SH3GL3: variants seen among roughly 807,000 people sequenced by gnomAD.
The protein encoded by SH3GL3 is SH3 domain containing GRB2 like 3, endophilin A3.
Under a neutral mutation model 47.7 loss-of-function variants are expected in SH3GL3, and 33 were observed. The observed-to-expected ratio is 0.69, with a 90% CI of 0.52 to 0.92. The LOEUF is 0.92. SH3GL3 is among the 40% of genes least tolerant of loss of function. The pLI is 0.00. For missense variants in SH3GL3, 363 were observed against 417.8 expected, an observed-to-expected ratio of 0.87 and a Z score of 1.14; for synonymous variants, 155 against 148.8, an observed-to-expected ratio of 1.04 and a Z score of -0.30.
chr15:83,552,509 T>C (rs1219312491), intron 1 of SH3GL3, among the ~76,000 whole-genome samples: 1 of 152,218 alleles, frequency 6.6e-6, no homozygotes, highest in Non-Finnish European at 1.5e-5. Context: ...CTAATAAACA[T>C]GCTCTATATG....
intron 1 of SH3GL3, among the ~76,000 whole-genome samples, chr15:83,550,123 T>C (rs1596237492): frequency 6.6e-6 from 1 of 152,204 alleles, no homozygotes; most frequent in Admixed American, 6.5e-5. Flanking sequence ...ACTTACATAT[T>C]ACCTTTACTA....
chr15:83,462,937 C>G (rs1282237276), intron 1 of SH3GL3, among the ~76,000 whole-genome samples: 1 of 152,138 alleles, frequency 6.6e-6, no homozygotes, highest in Non-Finnish European at 1.5e-5. Context: ...CATCCTAGCA[C>G]CCAGGGATAT....
intron 1 of SH3GL3, among the ~76,000 whole-genome samples, chr15:83,477,074 A>G (rs1430051069): frequency 6.6e-6 from 1 of 152,232 alleles, no homozygotes; most frequent in Non-Finnish European, 1.5e-5. Context: ...TTACTTGGCC[A>G]TCACACACCA....
chr15:83,453,645 G>A (rs1177584523), intron 1 of SH3GL3, among the ~76,000 whole-genome samples: 1 of 145,396 alleles, frequency 6.9e-6, no homozygotes, highest in Non-Finnish European at 1.5e-5. Flanking sequence ...TGTGGGATCG[G>A]TGGTGATATC....
At chr15:83,458,109 G>C (rs1462193907) in intron 1 of SH3GL3, among the ~76,000 whole-genome samples, 2 of 152,194 alleles carry the variant, frequency 1.3e-5, no homozygotes, top group Non-Finnish European at 2.9e-5. Flanking sequence ...GTAAACAACT[G>C]ACACACTGTT....
At chr15:83,572,323 C>T (rs954997139) in intron 4 of SH3GL3, among the ~76,000 whole-genome samples, 1 of 152,168 alleles carries the variant, frequency 6.6e-6, no homozygotes, top group Admixed American at 6.5e-5. Context: ...GTAAGTACTT[C>T]GGTCTGCTAG....
chr15:83,633,377 A>T, the SH3GL3 span, among the ~76,000 whole-genome samples: 8 of 151,878 alleles, frequency 5.3e-5, no homozygotes, highest in Non-Finnish European at 8.8e-5. Context: ...TTCCTACTTA[A>T]CTCTTTATAA....
chr15:83,583,446 T>C (rs1464605386), intron 6 of SH3GL3, among the ~76,000 whole-genome samples: 1 of 152,190 alleles, frequency 6.6e-6, no homozygotes, highest in Non-Finnish European at 1.5e-5. Flanking sequence ...GAGCCATTCT[T>C]CCTTTGGGTA....
intron 1 of SH3GL3, among the ~76,000 whole-genome samples, chr15:83,501,963 AATAACCC>A (rs1285566518): frequency 2.0e-5 from 3 of 152,344 alleles, no homozygotes; most frequent in Non-Finnish European, 4.4e-5. Context: ...AAGGGAACCT[AATAACCC>A]ATTAGAAAAA....
At chr15:83,482,666 T>C (rs1266896285) in intron 1 of SH3GL3, among the ~76,000 whole-genome samples, 9 of 152,064 alleles carry the variant, frequency 5.9e-5, no homozygotes, top group Admixed American at 5.9e-4. Context: ...GCTAACTTTT[T>C]GTATTTTTAG....
In SH3GL3 at chr15:83,616,251, C is replaced by CTTTTT. The variant is rs10661412; in HGVS notation, c.839-1816_839-1812dup. Among the ~76,000 whole-genome samples, 20 of 114,160 alleles carry CTTTTT rather than the reference C, an allele frequency of 1.8e-4. 1 individual carries two copies. The highest frequency in any genetic ancestry group is 4.8e-4 in the African/African-American group (14 of 29,062). The allele number at this position is 114,160 out of a possible 152,430, so 74.9% of individuals were successfully genotyped here. ...AAAGTAATGGTAAAAATTGTGATTG[C>CTTTTT]TTTTTTTTTTTTTTTTTTTGAGATG... On this transcript the variant is annotated intron_variant, in intron 8 of 8. Transcript: ENST00000427482.
At position 83,586,475 on chromosome 15, in the gene SH3GL3, C is replaced by G. The variant is rs958253982; in HGVS notation, c.625-508C>G. Among the ~76,000 whole-genome samples the G allele has an allele frequency of 2.6e-5, 4 of 152,286 alleles. No homozygotes were observed. In the South Asian group the frequency reaches 6.2e-4, roughly 24 times the overall value. Reference sequence around the variant, plus strand: ...AAACGCATAGAGGGGACAGGGAAATCTTTGCCCCAGTTCACATGTTGCTCC... The same window carrying G: ...AAACGCATAGAGGGGACAGGGAAATGTTTGCCCCAGTTCACATGTTGCTCC... On this transcript the variant is annotated intron_variant, in intron 6 of 8. Coordinates refer to ENST00000427482, the MANE Select transcript of SH3GL3 (RefSeq NM_003027.5).
At chr15:83,558,499 GTGTA>G (rs954666841) in intron 1 of SH3GL3, among the ~76,000 whole-genome samples, 46 of 46,178 alleles carry the variant, frequency 1.0e-3, no homozygotes, top group Non-Finnish European at 1.9e-3. Flanking sequence ...GTGTGTGTGT[GTGTA>G]TATGTGTGTG....
At chr15:83,531,596 G>C (rs1363093054) in intron 1 of SH3GL3, among the ~76,000 whole-genome samples, 1 of 152,148 alleles carries the variant, frequency 6.6e-6, no homozygotes, top group East Asian at 1.9e-4. Flanking sequence ...TTATTTTAAA[G>C]GTGATGGAAT....
chr15:83,517,280 C>A (rs1290786394), intron 1 of SH3GL3, among the ~76,000 whole-genome samples: 1 of 148,070 alleles, frequency 6.8e-6, no homozygotes, highest in Non-Finnish European at 1.5e-5. Flanking sequence ...TCTCTGCTCA[C>A]TGCAAACTCC....
chr15:83,602,562 C>T (rs1010709455), intron 8 of SH3GL3, among the ~76,000 whole-genome samples: 1 of 152,138 alleles, frequency 6.6e-6, no homozygotes. Context: ...TTCTCATGAC[C>T]TAATCACCTC....
At chr15:83,519,032 C>T (rs1314641373) in intron 1 of SH3GL3, among the ~76,000 whole-genome samples, 1 of 152,094 alleles carries the variant, frequency 6.6e-6, no homozygotes, top group Non-Finnish European at 1.5e-5. Context: ...GTCTACATAC[C>T]TGTTTTTGTA....
intron 1 of SH3GL3, among the ~76,000 whole-genome samples, chr15:83,557,072 A>G (rs539756665): frequency 2.0e-5 from 3 of 152,314 alleles, no homozygotes; most frequent in Non-Finnish European, 4.4e-5. Flanking sequence ...ACACTCTTCT[A>G]TTGGCCAAAG....
At chr15:83,554,572 G>C (rs929169740) in intron 1 of SH3GL3, among the ~76,000 whole-genome samples, 2 of 152,140 alleles carry the variant, frequency 1.3e-5, no homozygotes, top group African/African-American at 4.8e-5. Context: ...ATTTTTAGTA[G>C]AGACAGGGTT....
Sources: gnomAD v4.1 joint callset for allele counts (sites outside exome capture counted in the v4.1 genomes callset) on GRCh38, gnomAD v4.1.1 for gene constraint, MANE v1.5 for transcripts, NCBI Gene and HGNC (gene_info 2026-07-23, HGNC 2026-07-21) for gene names.